Variants in EPHA6 observed in about 807,000 individuals in gnomAD.
EPHA6 encodes EPH receptor A6.
Under a neutral mutation model 112.0 loss-of-function variants are expected in EPHA6, and 50 were observed. That is an observed-to-expected ratio of 0.45 (90% CI 0.36 to 0.56). The LOEUF is 0.56. EPHA6 is among the 20% of genes least tolerant of loss of function. EPHA6 has a pLI of 0.00. For missense variants in EPHA6, 1,280 were observed against 1,417.4 expected (o/e 0.90, Z 1.56); for synonymous variants, 529 against 490.7 (o/e 1.08, Z -1.03).
At chr3:97,729,039 G>C (rs1369579737) in intron 15 of EPHA6, among the ~76,000 whole-genome samples, 1 of 152,004 alleles carries the variant, frequency 6.6e-6, no homozygotes, top group East Asian at 1.9e-4. Context: ...ATTGTCTTAG[G>C]TGTAGGATTT....
chr3:97,151,501 T>C (rs28690212), intron 3 of EPHA6, among the ~76,000 whole-genome samples: 1 of 151,868 alleles, frequency 6.6e-6, no homozygotes, highest in Non-Finnish European at 1.5e-5. Flanking sequence ...TCAACCAAAT[T>C]CAATTGATAG....
At chr3:97,474,446 A>G (rs1224284564) in intron 7 of EPHA6, among the ~76,000 whole-genome samples, 2 of 151,936 alleles carry the variant, frequency 1.3e-5, no homozygotes, top group African/African-American at 4.8e-5. Flanking sequence ...ACAAAAATGG[A>G]GAAATGAGAC....
rs190243752 is a variant in EPHA6, at chr3:97,522,085, A to G, written c.2201-10273A>G. ...ACTACCTTTGCCACTACACCCAGTTATTTTTTGTTTTTAAAATGGTCTTAC... is the reference window on the plus strand; with the variant it reads ...ACTACCTTTGCCACTACACCCAGTTGTTTTTTGTTTTTAAAATGGTCTTAC... On this transcript the variant is annotated intron_variant, in intron 10 of 17. Coordinates refer to ENST00000389672, the MANE Select transcript of EPHA6 (RefSeq NM_001080448.3). 1.3e-5 allele frequency among the ~76,000 whole-genome samples: 2 copies of G among 151,818 alleles called. 1 individual carries two copies. Among genetic ancestry groups the G allele is most frequent in the Non-Finnish European group, 2.9e-5 (2 of 67,912 alleles).
intron 3 of EPHA6, among the ~76,000 whole-genome samples, chr3:97,159,152 A>G (rs988352212): frequency 1.3e-5 from 2 of 152,164 alleles, no homozygotes; most frequent in African/African-American, 4.8e-5. Context: ...ATCACAGGGC[A>G]TGGTAATACT....
chr3:97,473,429 A>T (rs994717212), intron 7 of EPHA6, among the ~76,000 whole-genome samples: 3 of 151,846 alleles, frequency 2.0e-5, no homozygotes, highest in Admixed American at 2.0e-4. Flanking sequence ...TTATGTATGT[A>T]AAACAACACC....
At chr3:97,372,650 C>A (rs2085124278) in intron 5 of EPHA6, among the ~76,000 whole-genome samples, 1 of 152,192 alleles carries the variant, frequency 6.6e-6, no homozygotes, top group Admixed American at 6.6e-5. Flanking sequence ...AACACAGGTA[C>A]ATTTGGGAAT....
In EPHA6 at chr3:96,972,387, G is replaced by A. The variant is rs977611161; in HGVS notation, c.451-14943G>A. Among the ~76,000 whole-genome samples, 4 of 149,196 alleles carry A rather than the reference G, an allele frequency of 2.7e-5. No homozygotes were observed. The East Asian group carries it at 7.9e-4, about 30-fold the overall frequency. ...AATTAACAAAAATCAATACAGAAAA[G>A]GGAAGAGAGGAAAGAGATTTCAGAA... is the stretch of plus-strand genomic sequence containing the variant. On this transcript the variant is annotated intron_variant, in intron 2 of 17. Transcript: ENST00000389672.
chr3:97,341,897 G>A (rs1420679555), intron 5 of EPHA6, among the ~76,000 whole-genome samples: 1 of 152,080 alleles, frequency 6.6e-6, no homozygotes, highest in Non-Finnish European at 1.5e-5. Context: ...ATAGAAATTT[G>A]CATTTGAGGA....
chr3:97,596,031 G>C (rs1358788410), intron 12 of EPHA6, among the ~76,000 whole-genome samples: 1 of 149,250 alleles, frequency 6.7e-6, no homozygotes, highest in Admixed American at 6.8e-5. Flanking sequence ...TCAGCCTCAC[G>C]AGTAGCTGGG....
chr3:97,198,876 A>G (rs1462062576), intron 3 of EPHA6, among the ~76,000 whole-genome samples: 1 of 152,156 alleles, frequency 6.6e-6, no homozygotes, highest in Admixed American at 6.5e-5. Context: ...TGATATTTGT[A>G]TATATATAAT....
At position 97,491,618 on chromosome 3, in the gene EPHA6, C is replaced by CT. The variant is rs5851067; in HGVS notation, c.2200+7575dup. Among the ~76,000 whole-genome samples, 246 of 139,724 alleles carry CT rather than the reference C, an allele frequency of 1.8e-3. 1 individual carries two copies. Among genetic ancestry groups the CT allele is most frequent in the African/African-American group, 5.9e-3 (226 of 38,470 alleles). The allele number at this position is 139,724 out of a possible 152,430, so 91.7% of individuals were successfully genotyped here. A position where few individuals can be genotyped will look rare whatever the true frequency, so the allele number is the denominator to read the frequency against. Reference sequence around the variant, plus strand: ...TGTAGTCTCTCCTTGTAAGGGTATGCTTTTTTTTTTTTTTTTAAGGTTTAT... The same window carrying CT: ...TGTAGTCTCTCCTTGTAAGGGTATGCTTTTTTTTTTTTTTTTTAAGGTTTAT... On this transcript the variant is annotated intron_variant, in intron 10 of 17. Transcript: ENST00000389672.
intron 1 of EPHA6, among the ~76,000 whole-genome samples, chr3:96,821,477 A>G (rs1250779351): frequency 6.6e-6 from 1 of 151,850 alleles, no homozygotes; most frequent in African/African-American, 2.4e-5. Context: ...TCAGTTTTCA[A>G]TTATAAATTC....
At chr3:97,388,020 G>T (rs1186231856) in intron 5 of EPHA6, among the ~76,000 whole-genome samples, 1 of 152,126 alleles carries the variant, frequency 6.6e-6, no homozygotes, top group Non-Finnish European at 1.5e-5. Context: ...GAGAACTCAT[G>T]CACAATCACG....
intron 2 of EPHA6, among the ~76,000 whole-genome samples, chr3:96,942,169 A>G (rs1449421744): frequency 6.6e-6 from 1 of 152,182 alleles, no homozygotes; most frequent in Non-Finnish European, 1.5e-5. Flanking sequence ...AAGTCTGCAG[A>G]GGTTACTGCT....
chr3:96,985,596 C>T (rs971682406), intron 2 of EPHA6, among the ~76,000 whole-genome samples: 5 of 151,898 alleles, frequency 3.3e-5, no homozygotes, highest in African/African-American at 1.2e-4. Flanking sequence ...TTTTGAATCA[C>T]CCCTGGTAAA....
chr3:97,045,704 G>A (rs989945793), intron 3 of EPHA6, among the ~76,000 whole-genome samples: 2 of 151,786 alleles, frequency 1.3e-5, no homozygotes, highest in Non-Finnish European at 2.9e-5. Context: ...TCATAGTCCC[G>A]TTACACAGAG....
chr3:97,159,051 T>C (rs1174461964), intron 3 of EPHA6, among the ~76,000 whole-genome samples: 1 of 152,122 alleles, frequency 6.6e-6, no homozygotes. Flanking sequence ...CTTTCACACA[T>C]GGTAGGATGA....
intron 3 of EPHA6, among the ~76,000 whole-genome samples, chr3:97,188,829 A>G (rs1336672600): frequency 6.6e-6 from 1 of 151,994 alleles, no homozygotes; most frequent in Admixed American, 6.6e-5. Flanking sequence ...CCAAGTGGAT[A>G]TACATATGTT....
rs2046144930 is a variant in EPHA6, at chr3:97,065,344, A to G, written c.1114+77351A>G. The stretch of plus-strand genomic sequence containing the variant: ...ATGTTCAAAGTAGAGTCCATGAAAT[A>G]TGCATGTTACCAAATCAAGGCAAAG... On this transcript the variant is annotated intron_variant, in intron 3 of 17. Transcript: ENST00000389672. Among the ~76,000 whole-genome samples the G allele has an allele frequency of 2.0e-5, 3 of 152,170 alleles. No individual in the cohort carries two copies. The South Asian group carries it at 6.2e-4, about 31-fold the overall frequency.
Sources: allele counts gnomAD v4.1 joint callset (sites outside exome capture counted in the v4.1 genomes callset), GRCh38; gene constraint gnomAD v4.1.1; transcripts MANE v1.5; gene names NCBI Gene and HGNC (gene_info 2026-07-23, HGNC 2026-07-21).